The following KHDRBS2 variants were observed in gnomAD, a reference collection of about 807,000 sequenced individuals.
The protein encoded by KHDRBS2 is KH domain-containing, RNA-binding, signal transduction-associated protein 2.
KHDRBS2 carries 26 observed loss-of-function variants against 44.3 expected under a neutral mutation model. That is an observed-to-expected ratio of 0.59 (90% CI 0.43 to 0.81). The LOEUF (loss-of-function observed/expected upper bound fraction) is 0.81, where lower values mean the gene tolerates loss of function less well. Ranked by LOEUF, KHDRBS2 falls within the 40% of genes least tolerant of loss-of-function variation. KHDRBS2 has a pLI of 0.00. For synonymous variants in KHDRBS2, 194 were observed against 151.1 expected, an observed-to-expected ratio of 1.28 and a Z score of -2.08; for missense variants, 476 against 433.1, an observed-to-expected ratio of 1.10 and a Z score of -0.88.
chr6:61,844,007 A>G (rs1794000354), intron 6 of KHDRBS2, among the ~76,000 whole-genome samples: 2 of 152,142 alleles, frequency 1.3e-5, no homozygotes, highest in African/African-American at 2.4e-5. Flanking sequence ...TCATATTCAC[A>G]TAGGTTTAAA....
intron 3 of KHDRBS2, among the ~76,000 whole-genome samples, chr6:62,043,764 T>A (rs1350838839): frequency 6.6e-6 from 1 of 152,088 alleles, no homozygotes; most frequent in Non-Finnish European, 1.5e-5. Context: ...TAGATACCAC[T>A]AGAATTATTT....
intron 6 of KHDRBS2, among the ~76,000 whole-genome samples, chr6:61,866,384 G>C (rs555405646): frequency 3.3e-5 from 5 of 152,184 alleles, no homozygotes; most frequent in Admixed American, 6.5e-5. Flanking sequence ...GCTCTATGTC[G>C]GCCCCTTTCA....
intron 6 of KHDRBS2, among the ~76,000 whole-genome samples, chr6:61,881,801 G>A (rs1467162146): frequency 6.6e-6 from 1 of 151,950 alleles, no homozygotes; most frequent in African/African-American, 2.4e-5. Flanking sequence ...AAATTGAATC[G>A]GAGGTCTGAC....
rs191768555 is a variant in KHDRBS2 at position 62,066,296 on chromosome 6, G to A, written c.220-18302C>T. Among the ~76,000 whole-genome samples, 276 of 151,762 alleles carry A rather than the reference G, an allele frequency of 1.8e-3. 10 individuals are homozygous for A. In the South Asian group the frequency reaches 0.052, roughly 29 times the overall value. The stretch of plus-strand genomic sequence containing the variant: ...AAATCATCTGTAGAGGTACCTGACT[G>A]AATGTACACTCAGTACAGTGAAATG... On this transcript the variant is annotated intron_variant, in intron 2 of 8. Coordinates refer to ENST00000281156, the MANE Select transcript of KHDRBS2 (RefSeq NM_152688.4).
chr6:61,717,461 G>A (rs1771644623), intron 7 of KHDRBS2, among the ~76,000 whole-genome samples: 1 of 152,026 alleles, frequency 6.6e-6, no homozygotes, highest in African/African-American at 2.4e-5. Context: ...TAGATGGCAG[G>A]AACATACAAT....
intron 3 of KHDRBS2, among the ~76,000 whole-genome samples, chr6:61,979,906 C>T (rs980909863): frequency 9.9e-5 from 15 of 152,028 alleles, no homozygotes; most frequent in African/African-American, 3.6e-4. Context: ...CTATTACTTC[C>T]TATGTTGATT....
At chr6:62,017,526 G>T (rs1371243445) in intron 3 of KHDRBS2, among the ~76,000 whole-genome samples, 1 of 151,900 alleles carries the variant, frequency 6.6e-6, no homozygotes, top group Non-Finnish European at 1.5e-5. Flanking sequence ...CTCTGAAAAA[G>T]AAACTATCCT....
At chr6:62,215,253 C>T (rs1829786383) in intron 1 of KHDRBS2, among the ~76,000 whole-genome samples, 1 of 151,928 alleles carries the variant, frequency 6.6e-6, no homozygotes. Context: ...TCCCCCCTCA[C>T]CTACCCACAT....
At chr6:61,803,010 A>G (rs796739953) in intron 6 of KHDRBS2, among the ~76,000 whole-genome samples, 39 of 152,312 alleles carry the variant, frequency 2.6e-4, no homozygotes, top group African/African-American at 9.4e-4. Context: ...AAAAGCAGGA[A>G]AATAAGGAAG....
intron 1 of KHDRBS2, among the ~76,000 whole-genome samples, chr6:62,211,350 T>C (rs1318609560): frequency 1.3e-5 from 2 of 152,224 alleles, no homozygotes; most frequent in Non-Finnish European, 1.5e-5. Context: ...ATGCATTAGT[T>C]AATATATATA....
At chr6:61,637,427 C>T in the KHDRBS2 span, among the ~76,000 whole-genome samples, 1 of 152,098 alleles carries the variant, frequency 6.6e-6, no homozygotes, top group Non-Finnish European at 1.5e-5. Context: ...TTAATCCAGT[C>T]TATCATTGTT....
Position 62,047,863 on chromosome 6 carries a change from T to C in KHDRBS2, c.336+15A>G. ...CCTCCTGAATGTGGTAAATATTAGA[T>C]TCAAAGTTCAGTACCTTAGCTTTAT... On this transcript the variant is annotated intron_variant, in intron 3 of 8. Coordinates refer to ENST00000281156, the MANE Select transcript of KHDRBS2 (RefSeq NM_152688.4). 1 of 1,519,186 alleles carries C rather than the reference T, an allele frequency of 6.6e-7. No individual in the cohort carries two copies. The highest frequency in any genetic ancestry group is 1.1e-5 in the South Asian group (1 of 89,070). 94.1% of individuals were successfully genotyped at this position (1,519,186 alleles called of 1,614,324 possible). A position where few individuals can be genotyped will look rare whatever the true frequency, so the allele number is the denominator to read the frequency against.
At chr6:61,665,638 A>T in the KHDRBS2 span, among the ~76,000 whole-genome samples, 1 of 151,406 alleles carries the variant, frequency 6.6e-6, no homozygotes. Flanking sequence ...TCTGAAATAC[A>T]ATCTTATTCA....
At chr6:62,149,581 G>A (rs1040727218) in intron 2 of KHDRBS2, among the ~76,000 whole-genome samples, 1 of 152,104 alleles carries the variant, frequency 6.6e-6, no homozygotes, top group African/African-American at 2.4e-5. Flanking sequence ...ACTGGTGTTT[G>A]TTGTTCCACT....
chr6:62,233,388 T>A (rs977304373), intron 1 of KHDRBS2, among the ~76,000 whole-genome samples: 1 of 152,194 alleles, frequency 6.6e-6, no homozygotes, highest in African/African-American at 2.4e-5. Flanking sequence ...ATTTAACTTC[T>A]CATGTCTAAC....
At chr6:61,779,218 A>C (rs1175378933) in intron 6 of KHDRBS2, among the ~76,000 whole-genome samples, 1 of 152,086 alleles carries the variant, frequency 6.6e-6, no homozygotes, top group East Asian at 1.9e-4. Context: ...ATGTCACAAA[A>C]AATATTTATA....
chr6:61,719,264 T>C (rs751550932), intron 7 of KHDRBS2, among the ~76,000 whole-genome samples: 13 of 152,204 alleles, frequency 8.5e-5, no homozygotes, highest in Non-Finnish European at 1.9e-4. Flanking sequence ...TGAATTGGTC[T>C]TTTGGCTTTT....
intron 6 of KHDRBS2, among the ~76,000 whole-genome samples, chr6:61,737,126 TA>T (rs1307489517): frequency 6.6e-6 from 1 of 152,134 alleles, no homozygotes; most frequent in Non-Finnish European, 1.5e-5. Context: ...AAATGATAAA[TA>T]TATAGAGCTA....
intron 3 of KHDRBS2, among the ~76,000 whole-genome samples, chr6:62,026,189 C>A (rs1447821861): frequency 6.6e-6 from 1 of 151,258 alleles, no homozygotes; most frequent in Non-Finnish European, 1.5e-5. Flanking sequence ...AATATTTATA[C>A]TTCTCTTTTC....
Sources: gnomAD v4.1 joint callset for allele counts (sites outside exome capture counted in the v4.1 genomes callset) on GRCh38, gnomAD v4.1.1 for gene constraint, MANE v1.5 for transcripts, NCBI Gene and HGNC (gene_info 2026-07-23, HGNC 2026-07-21) for gene names.